GRIP2: variants seen among roughly 807,000 people sequenced by gnomAD.
The protein encoded by GRIP2 is glutamate receptor interacting protein 2.
A neutral mutation model predicts 108.3 loss-of-function variants in GRIP2; 58 were observed. The ratio of observed to expected loss-of-function variants is 0.54; its 90% CI spans 0.43 to 0.67. GRIP2 has a LOEUF of 0.67. GRIP2 is among the 30% of genes least tolerant of loss of function. GRIP2 has a pLI of 0.00. For missense variants in GRIP2, 1,278 were observed against 1,430.6 expected, an observed-to-expected ratio of 0.89 and a Z score of 1.72; for synonymous variants, 586 against 598.2, an observed-to-expected ratio of 0.98 and a Z score of 0.30.
At chr3:14,533,416 G>C (rs1370104152) in intron 1 of GRIP2, among the ~76,000 whole-genome samples, 1 of 152,208 alleles carries the variant, frequency 6.6e-6, no homozygotes, top group African/African-American at 2.4e-5. Flanking sequence ...AGAGAAAAGT[G>C]GGGGAGGGAG....
At chr3:14,594,242 T>G in the GRIP2 span, among the ~76,000 whole-genome samples, 6 of 152,160 alleles carry the variant, frequency 3.9e-5, no homozygotes, top group African/African-American at 1.4e-4. Context: ...AGCAAACAAT[T>G]GTCTCTTTCA....
chr3:14,559,146 T>G (rs1266314299), upstream of GRIP2, among the ~76,000 whole-genome samples: 2 of 152,192 alleles, frequency 1.3e-5, no homozygotes, highest in Non-Finnish European at 2.9e-5. Flanking sequence ...GAGCCTCAGT[T>G]TCCTCACCTA....
Position 14,524,411 on chromosome 3 carries a change from A to ACTCCAC in GRIP2, c.379_384dup (p.Val127_Glu128dup). 1 of 1,609,984 alleles carries ACTCCAC rather than the reference A, an allele frequency of 6.2e-7. No homozygotes were observed. Among genetic ancestry groups the ACTCCAC allele is most frequent in the Non-Finnish European group, 8.5e-7 (1 of 1,178,530 alleles). On this transcript the variant is annotated inframe_insertion, in exon 4 of 24. Coordinates refer to ENST00000621039, the MANE Select transcript of GRIP2 (RefSeq NM_001080423.4). The stretch of plus-strand genomic sequence containing the variant: ...CACCCACCGGGCGGGGGCAGCTCAT[A>ACTCCAC]CTCCACCTCCAGCACCACGCGCTCG...
chr3:14,564,597 G>A, the GRIP2 span, among the ~76,000 whole-genome samples: 3 of 152,196 alleles, frequency 2.0e-5, no homozygotes, highest in Non-Finnish European at 4.4e-5. Context: ...CACAAGTCTG[G>A]GGCCTGCAAG....
intron 1 of GRIP2, among the ~76,000 whole-genome samples, chr3:14,550,161 G>A (rs1262267945): frequency 6.6e-6 from 1 of 152,170 alleles, no homozygotes; most frequent in African/African-American, 2.4e-5. Flanking sequence ...TGAGCCCCCT[G>A]CGCCCCAAAC....
At chr3:14,504,249 T>C (rs925859315) in intron 20 of GRIP2, among the ~76,000 whole-genome samples, 1 of 152,100 alleles carries the variant, frequency 6.6e-6, no homozygotes, top group African/African-American at 2.4e-5. Flanking sequence ...CAAAGCCACT[T>C]GCTAATTACA....
At chr3:14,587,100 GAA>G in the GRIP2 span, among the ~76,000 whole-genome samples, 8 of 152,120 alleles carry the variant, frequency 5.3e-5, no homozygotes, top group Non-Finnish European at 1.0e-4. Context: ...CTTAATCTGA[GAA>G]AAAGTCATTT....
chr3:14,494,329 A>T (rs1420564890), intron 23 of GRIP2, among the ~76,000 whole-genome samples: 1 of 152,256 alleles, frequency 6.6e-6, no homozygotes, highest in Admixed American at 6.5e-5. Context: ...ATGGCAAAAA[A>T]CACACTGAGG....
At chr3:14,594,924 T>C in the GRIP2 span, among the ~76,000 whole-genome samples, 1 of 152,002 alleles carries the variant, frequency 6.6e-6, no homozygotes, top group African/African-American at 2.4e-5. Context: ...TTAAACAGAG[T>C]CTCACCCTGT....
chr3:14,541,382 G>C (rs554611431), upstream of GRIP2, among the ~76,000 whole-genome samples: 14 of 152,318 alleles, frequency 9.2e-5, no homozygotes, highest in African/African-American at 3.4e-4. Context: ...TGGCTCCCAT[G>C]GAGTTCCTGA....
chr3:14,556,559 A>G (rs1695239736), upstream of GRIP2, among the ~76,000 whole-genome samples: 1 of 152,204 alleles, frequency 6.6e-6, no homozygotes, highest in Non-Finnish European at 1.5e-5. Context: ...CCAGCAGGCA[A>G]CATCACACTG....
At chr3:14,523,252 C>T in intron 5 of GRIP2, 177 bp from the exon 6 acceptor site, 1 of 604,474 alleles carries the variant, frequency 1.7e-6, no homozygotes, top group Non-Finnish European at 3.0e-6. Context: ...AGAGATGGTG[C>T]AAGGGGTGGG....
intron 21 of GRIP2, 21 bp downstream of exon 21, chr3:14,503,545 C>T (rs1453568573): frequency 2.5e-6 from 4 of 1,587,420 alleles, no homozygotes; most frequent in Non-Finnish European, 3.4e-6. Flanking sequence ...CCATGCAGGC[C>T]TGCAGGGCAG....
chr3:14,522,106 G>A lies in GRIP2; in HGVS notation c.567-319C>T, dbSNP rs991846696. 3.1e-4 allele frequency: 93 copies of A among 296,382 alleles called. No individual in the cohort carries two copies. Among genetic ancestry groups the A allele is most frequent in the Admixed American group, 1.6e-3 (30 of 18,896 alleles). 18.4% of individuals were successfully genotyped at this position (296,382 alleles called of 1,614,324 possible). A position where few individuals can be genotyped will look rare whatever the true frequency, so the allele number is the denominator to read the frequency against. ...TCTGAGCTGGGGGTGCTCTTCAAGC[G>A]TCACCCCCAACTCCTGCCTCAGGGA... On this transcript the variant is annotated intron_variant, in intron 6 of 23. Transcript: ENST00000621039. The surrounding 1 kb of genome is among the most constrained non-coding windows in gnomAD (Gnocchi z 4.3).
At chr3:14,602,697 G>A in the GRIP2 span, among the ~76,000 whole-genome samples, 3 of 151,930 alleles carry the variant, frequency 2.0e-5, no homozygotes, top group Non-Finnish European at 2.9e-5. The surrounding 1 kb of genome is among the most constrained non-coding windows in gnomAD (Gnocchi z 4.7). Flanking sequence ...CCCACTGCTG[G>A]CTTTCCGGGA....
chr3:14,593,236 G>T, the GRIP2 span, among the ~76,000 whole-genome samples: 2 of 152,156 alleles, frequency 1.3e-5, no homozygotes, highest in Non-Finnish European at 2.9e-5. Flanking sequence ...CATCTTGAGA[G>T]AATATTATTT....
the GRIP2 span, chr3:14,574,446 C>G: frequency 1.4e-6 from 1 of 713,178 alleles, no homozygotes; most frequent in Non-Finnish European, 2.5e-6. Flanking sequence ...CTTCCGCCAG[C>G]CTCGCTCCAA....
the GRIP2 span, among the ~76,000 whole-genome samples, chr3:14,584,651 G>C: frequency 4.2e-4 from 64 of 152,304 alleles, no homozygotes; most frequent in African/African-American, 1.5e-3. Flanking sequence ...ATGCCCAGTG[G>C]TGCTGCAGGG....
Position 14,522,150 on chromosome 3 carries a change from C to T in GRIP2, c.567-363G>A, listed in dbSNP as rs1400823503. The T allele has an allele frequency of 8.8e-6, 2 of 227,378 alleles. No homozygotes were observed. Among genetic ancestry groups the T allele is most frequent in the Non-Finnish European group, 1.7e-5 (2 of 118,118 alleles). The allele number at this position is 227,378 out of a possible 1,614,324, so 14.1% of individuals were successfully genotyped here. A position where few individuals can be genotyped will look rare whatever the true frequency, so the allele number is the denominator to read the frequency against. On this transcript the variant is annotated intron_variant, in intron 6 of 23. Transcript: ENST00000621039. The surrounding 1 kb of genome is among the most constrained non-coding windows in gnomAD (Gnocchi z 4.3). ...TCAGGGACAAAGGACAGCACCAGGGCCCAGAGAGGGTGCAAGCTGTGCCCA... is the reference window on the plus strand; with the variant it reads ...TCAGGGACAAAGGACAGCACCAGGGTCCAGAGAGGGTGCAAGCTGTGCCCA...
Sources: gnomAD v4.1 joint callset for allele counts (sites outside exome capture counted in the v4.1 genomes callset) on GRCh38, gnomAD v4.1.1 for gene constraint, Gnocchi (gnomAD v3.1) non-coding constraint, MANE v1.5 for transcripts, NCBI Gene and HGNC (gene_info 2026-07-23, HGNC 2026-07-21) for gene names.